Variants in KCNQ1OT1 observed in about 807,000 individuals in gnomAD.
KCNQ1OT1 encodes KCNQ1 opposite strand/antisense transcript 1, also known as KCNQ1 antisense RNA 2 (non-protein coding).
chr11:2,640,452 ACTT>A (rs1415784398), exon 1 of KCNQ1OT1: 1 of 398,376 alleles, frequency 2.5e-6, no homozygotes, highest in Non-Finnish European at 4.4e-6. Context: ...TGCCTGGATA[ACTT>A]CTTAATTTTT....
chr11:2,662,449 G>A, exon 1 of KCNQ1OT1: 1 of 405,474 alleles, frequency 2.5e-6, no homozygotes, highest in South Asian at 4.9e-5. Flanking sequence ...CCTGGCCAAA[G>A]CCATGGGGCA....
Position 2,652,749 on chromosome 11 carries a change from C to T in KCNQ1OT1, n.47246G>A, listed in dbSNP as rs986217407. 2.5e-6 allele frequency: 1 copy of T among 398,898 alleles called. No individual in the cohort carries two copies. Among genetic ancestry groups the T allele is most frequent in the African/African-American group, 2.1e-5 (1 of 48,624 alleles). The allele number at this position is 398,898 out of a possible 1,614,324, so 24.7% of individuals were successfully genotyped here. A position where few individuals can be genotyped will look rare whatever the true frequency, so the allele number is the denominator to read the frequency against. On this transcript the variant is annotated non_coding_transcript_exon_variant, in exon 1 of 1. Transcript: ENST00000597346. This position sits in a 1 kb window ranked among gnomAD's most constrained non-coding sequence, Gnocchi z 5.9. ...ACGCTCAGGGTTGACCCTGTCCTGG[C>T]TCTGTCACTGCCTGTCTTCCTCAGC...
In KCNQ1OT1 at chr11:2,691,689, C is replaced by A. The variant is rs189033687; in HGVS notation, n.8306G>T. On this transcript the variant is annotated non_coding_transcript_exon_variant, in exon 1 of 1. Transcript: ENST00000597346. The surrounding 1 kb of genome is among the most constrained non-coding windows in gnomAD (Gnocchi z 6.4). ...ACAGAGAACCAGGTGGGGAAGGGGT[C>A]TCTCCCCATCTGTCCAGGGGAGAGG... The A allele has an allele frequency of 7.8e-4, 311 of 398,582 alleles. No individual in the cohort carries two copies. The highest frequency in any genetic ancestry group is 4.5e-3 in the African/African-American group (218 of 48,710). The allele number at this position is 398,582 out of a possible 1,614,324, so 24.7% of individuals were successfully genotyped here. A position where few individuals can be genotyped will look rare whatever the true frequency, so the allele number is the denominator to read the frequency against.
chr11:2,619,453 TGTTA>T (rs1849127246), exon 1 of KCNQ1OT1: 3 of 398,614 alleles, frequency 7.5e-6, no homozygotes, highest in East Asian at 7.1e-5. Flanking sequence ...TCTTTCAGTC[TGTTA>T]GTATCACATT....
At position 2,685,001 on chromosome 11, in the gene KCNQ1OT1, C is replaced by T. The variant is rs1225964399; in HGVS notation, n.14994G>A. ...TTTTACGGACTGGTTGCTTTTCATT[C>T]ATATCTTCTTGCCATCCCTGTCTCA... On this transcript the variant is annotated non_coding_transcript_exon_variant, in exon 1 of 1. Coordinates refer to ENST00000597346, the Ensembl canonical transcript of KCNQ1OT1. The T allele has an allele frequency of 7.5e-6, 3 of 398,546 alleles. No individual in the cohort carries two copies. In the East Asian group the frequency reaches 1.1e-4, roughly 14 times the overall value. 24.7% of individuals were successfully genotyped at this position (398,546 alleles called of 1,614,324 possible).
chr11:2,692,583 C>T (rs1850606382), exon 1 of KCNQ1OT1: 3 of 398,656 alleles, frequency 7.5e-6, no homozygotes, highest in South Asian at 1.3e-4. Flanking sequence ...GTTTTTCAGA[C>T]CCCAGGCTAG....
At chr11:2,696,635 A>T in exon 1 of KCNQ1OT1, 1 of 398,680 alleles carries the variant, frequency 2.5e-6, no homozygotes, top group Non-Finnish European at 4.4e-6. Flanking sequence ...TGTTGAACTT[A>T]ACAGATTTGG....
chr11:2,697,227 A>T (rs1412715458), exon 1 of KCNQ1OT1: 4 of 398,496 alleles, frequency 1.0e-5, no homozygotes, highest in Non-Finnish European at 1.8e-5. Flanking sequence ...CAACAGATAG[A>T]ATCTCTATCA....
rs982639677 is a variant in KCNQ1OT1, at chr11:2,677,976, T to C, written n.22019A>G. ...ACTGGAGCTTTAATTTACATTTCTT[T>C]TGTTGGAAATGAGGTTTTTATCTTT... On this transcript the variant is annotated non_coding_transcript_exon_variant, in exon 1 of 1. Coordinates refer to ENST00000597346, the Ensembl canonical transcript of KCNQ1OT1. This position sits in a 1 kb window ranked among gnomAD's most constrained non-coding sequence, Gnocchi z 4.5. The C allele has an allele frequency of 1.0e-5, 4 of 398,216 alleles. No individual in the cohort carries two copies. In the East Asian group the frequency reaches 1.4e-4, roughly 14 times the overall value. The allele number at this position is 398,216 out of a possible 1,614,324, so 24.7% of individuals were successfully genotyped here.
chr11:2,666,985 G>A, exon 1 of KCNQ1OT1: 1 of 398,724 alleles, frequency 2.5e-6, no homozygotes, highest in Non-Finnish European at 4.4e-6. Context: ...GCCCGGGAGG[G>A]CTGTACAGGG....
chr11:2,641,698 A>T, exon 1 of KCNQ1OT1: 1 of 398,378 alleles, frequency 2.5e-6, no homozygotes. Flanking sequence ...TTATCCATAA[A>T]ATCTTTCCCT....
At chr11:2,699,246 G>C (rs1850730318) in exon 1 of KCNQ1OT1, 5 of 398,836 alleles carry the variant, frequency 1.3e-5, no homozygotes, top group Non-Finnish European at 2.2e-5. Context: ...TGTCCATAAG[G>C]TGCAGATGGG....
In KCNQ1OT1 at chr11:2,608,582, C is replaced by A. The variant is rs899706095; in HGVS notation, n.91413G>T. 1.5e-5 allele frequency: 6 copies of A among 398,394 alleles called. No individual in the cohort carries two copies. Among genetic ancestry groups the A allele is most frequent in the African/African-American group, 6.2e-5 (3 of 48,580 alleles). 24.7% of individuals were successfully genotyped at this position (398,394 alleles called of 1,614,324 possible). On this transcript the variant is annotated non_coding_transcript_exon_variant, in exon 1 of 1. Transcript: ENST00000597346. The surrounding 1 kb of genome is among the most constrained non-coding windows in gnomAD (Gnocchi z 4.6). Reference sequence around the variant, plus strand: ...CCTCGATCTCCTAGTCTCAAGTGATCCTTGCCCCTTAGCCTATGACAGGTG... The same window carrying A: ...CCTCGATCTCCTAGTCTCAAGTGATACTTGCCCCTTAGCCTATGACAGGTG...
rs573636596 is a variant in KCNQ1OT1, at chr11:2,646,095, C to G, written n.53900G>C. 1.3e-5 allele frequency: 5 copies of G among 398,574 alleles called. No individual in the cohort carries two copies. The East Asian group carries it at 1.8e-4, about 14-fold the overall frequency. The allele number at this position is 398,574 out of a possible 1,614,324, so 24.7% of individuals were successfully genotyped here. Reference sequence around the variant, plus strand: ...CCATAGAAGCAGACTGCCTGACTCCCCTCTTATCCCTTGCATTGGGTTTTT... The same window carrying G: ...CCATAGAAGCAGACTGCCTGACTCCGCTCTTATCCCTTGCATTGGGTTTTT... On this transcript the variant is annotated non_coding_transcript_exon_variant, in exon 1 of 1. Transcript: ENST00000597346.
exon 1 of KCNQ1OT1, chr11:2,689,004 C>T (rs935767445): frequency 2.5e-5 from 10 of 398,580 alleles, no homozygotes; most frequent in Non-Finnish European, 4.4e-5. Flanking sequence ...CCTGCAGGTC[C>T]CTGGGTTGGA....
At chr11:2,628,183 C>T (rs1347559406) in exon 1 of KCNQ1OT1, 7 of 398,386 alleles carry the variant, frequency 1.8e-5, no homozygotes, top group Non-Finnish European at 3.1e-5. Context: ...TATAGCAGTT[C>T]CAATTTTAAT....
In KCNQ1OT1 at chr11:2,657,140, T is replaced by G. The variant is rs1384260878; in HGVS notation, n.42855A>C. The G allele has an allele frequency of 2.5e-6, 1 of 398,536 alleles. No homozygotes were observed. Among genetic ancestry groups the G allele is most frequent in the African/African-American group, 2.1e-5 (1 of 48,634 alleles). 24.7% of individuals were successfully genotyped at this position (398,536 alleles called of 1,614,324 possible). On this transcript the variant is annotated non_coding_transcript_exon_variant, in exon 1 of 1. Coordinates refer to ENST00000597346, the Ensembl canonical transcript of KCNQ1OT1. This position sits in a 1 kb window ranked among gnomAD's most constrained non-coding sequence, Gnocchi z 4.8. Reference sequence around the variant, plus strand: ...ATGACCACTGCCTTGGAAGAAGTACTGATGTTTGGTACAGCAAGTTCTCCC... The same window carrying G: ...ATGACCACTGCCTTGGAAGAAGTACGGATGTTTGGTACAGCAAGTTCTCCC...
Position 2,617,152 on chromosome 11 carries a change from T to C in KCNQ1OT1, n.82843A>G. 2.5e-6 allele frequency: 1 copy of C among 398,356 alleles called. No homozygotes were observed. Among genetic ancestry groups the C allele is most frequent in the Non-Finnish European group, 4.4e-6 (1 of 225,892 alleles). 24.7% of individuals were successfully genotyped at this position (398,356 alleles called of 1,614,324 possible). On this transcript the variant is annotated non_coding_transcript_exon_variant, in exon 1 of 1. Transcript: ENST00000597346. The surrounding 1 kb of genome is among the most constrained non-coding windows in gnomAD (Gnocchi z 4.6). ...TGCAATATACTAACTATTCTCATGT[T>C]CTACATGAGATCTCTAGACTTGTTC...
At chr11:2,681,262 G>A in exon 1 of KCNQ1OT1, 2 of 398,556 alleles carry the variant, frequency 5.0e-6, no homozygotes, top group Admixed American at 8.8e-5. Flanking sequence ...CCCCAGGAGA[G>A]AGCTTCACTT....
Sources: allele counts gnomAD v4.1 joint callset, GRCh38; gene constraint gnomAD v4.1.1; non-coding constraint Gnocchi (gnomAD v3.1); transcripts MANE v1.5; gene names NCBI Gene and HGNC (gene_info 2026-07-23, HGNC 2026-07-21).